The following LOC400499 variants were observed in gnomAD, a reference collection of about 807,000 sequenced individuals.
At chr16:11,385,379 G>A in the LOC400499 span, 2 of 1,232,294 alleles carry the variant, frequency 1.6e-6, no homozygotes, top group Middle Eastern at 3.1e-4. Context: ...GGCCGTCGAA[G>A]GTCACCACGT....
chr16:11,463,803 GTGTA>G, the LOC400499 span, among the ~76,000 whole-genome samples: 7 of 152,160 alleles, frequency 4.6e-5, no homozygotes, highest in African/African-American at 7.2e-5. Context: ...GGATGTTTGT[GTGTA>G]TGAATATGTG....
chr16:11,414,342 C>G, the LOC400499 span: 12 of 399,252 alleles, frequency 3.0e-5, 1 homozygote, highest in Admixed American at 3.5e-4. Flanking sequence ...CACTCCTTAC[C>G]TGGTTGGTGA....
chr16:11,482,735 G>A, the LOC400499 span, among the ~76,000 whole-genome samples: 1 of 151,688 alleles, frequency 6.6e-6, no homozygotes, highest in Admixed American at 6.6e-5. Flanking sequence ...AACAAAAAGA[G>A]AAAAAAACTT....
chr16:11,490,355 C>T, the LOC400499 span, among the ~76,000 whole-genome samples: 1 of 142,936 alleles, frequency 7.0e-6, no homozygotes, highest in East Asian at 2.2e-4. Context: ...ACAACTGTGC[C>T]ATTGCACTCC....
chr16:11,478,408 G>A, the LOC400499 span: 39 of 397,668 alleles, frequency 9.8e-5, no homozygotes, highest in South Asian at 9.9e-4. Flanking sequence ...CAACAGCTTC[G>A]AGGAGGTAAA....
the LOC400499 span, chr16:11,441,187 T>C: frequency 2.0e-5 from 8 of 397,632 alleles, no homozygotes; most frequent in Non-Finnish European, 3.1e-5. Flanking sequence ...CAAAGATTGA[T>C]GGGTTATGGA....
At chr16:11,446,574 G>A in the LOC400499 span, 2 of 1,536,076 alleles carry the variant, frequency 1.3e-6, no homozygotes, top group African/African-American at 2.7e-5. Context: ...AAGTAACCAG[G>A]CACCCCTCTG....
the LOC400499 span, among the ~76,000 whole-genome samples, chr16:11,422,730 C>G: frequency 6.6e-6 from 1 of 152,164 alleles, no homozygotes; most frequent in East Asian, 1.9e-4. Flanking sequence ...TGGTGGGAGG[C>G]AGACAGGACA....
At chr16:11,473,906 A>G in the LOC400499 span, among the ~76,000 whole-genome samples, 44 of 152,336 alleles carry the variant, frequency 2.9e-4, no homozygotes, top group Admixed American at 2.2e-3. Flanking sequence ...CCCCGGCTTG[A>G]GTGCAGTGGC....
At chr16:11,511,871 T>A in the LOC400499 span, among the ~76,000 whole-genome samples, 18 of 150,996 alleles carry the variant, frequency 1.2e-4, no homozygotes, top group Non-Finnish European at 2.1e-4. Context: ...TACAAAAAAT[T>A]TAAAAAATAG....
the LOC400499 span, chr16:11,393,445 G>C: frequency 8.1e-7 from 1 of 1,232,348 alleles, no homozygotes. Context: ...AACACAGACA[G>C]CCTCACTTTC....
chr16:11,462,322 C>T, the LOC400499 span: 2 of 1,456,024 alleles, frequency 1.4e-6, no homozygotes, highest in Non-Finnish European at 1.8e-6. Flanking sequence ...GCCTCAGTGT[C>T]ACCTGGGAGG....
At chr16:11,452,302 T>C in the LOC400499 span, among the ~76,000 whole-genome samples, 1 of 151,928 alleles carries the variant, frequency 6.6e-6, no homozygotes, top group East Asian at 1.9e-4. Context: ...ATAGATTATG[T>C]TATTCTGTTG....
the LOC400499 span, chr16:11,393,314 G>A: frequency 6.6e-4 from 768 of 1,159,724 alleles, 5 homozygotes; most frequent in African/African-American, 0.01. Flanking sequence ...AAATCTTAAC[G>A]CCCAGACCCC....
the LOC400499 span, chr16:11,450,893 C>G: frequency 5.7e-5 from 77 of 1,348,822 alleles, no homozygotes; most frequent in Admixed American, 1.3e-4. Flanking sequence ...CTGGAGGTCC[C>G]GAGAGTCTCA....
chr16:11,524,769 C>T, the LOC400499 span, among the ~76,000 whole-genome samples: 91 of 152,082 alleles, frequency 6.0e-4, no homozygotes, highest in African/African-American at 2.1e-3. Context: ...GCCACCCAGC[C>T]CTTCCACTGC....
the LOC400499 span, chr16:11,423,997 C>G: frequency 2.5e-6 from 1 of 398,626 alleles, no homozygotes. Flanking sequence ...AGATCACCGT[C>G]AGCCCGGCCG....
At chr16:11,472,194 CTTT>C in the LOC400499 span, 17 of 144,418 alleles carry the variant, frequency 1.2e-4, no homozygotes, top group East Asian at 3.9e-4. Context: ...TAGACTTTTT[CTTT>C]TTTTTTTTTT....
the LOC400499 span, among the ~76,000 whole-genome samples, chr16:11,384,528 G>A: frequency 6.6e-6 from 1 of 152,150 alleles, no homozygotes; most frequent in Non-Finnish European, 1.5e-5. Context: ...AAGCACAGGG[G>A]CTCAGGGACA....
Sources: allele counts gnomAD v4.1 joint callset (sites outside exome capture counted in the v4.1 genomes callset), GRCh38; gene constraint gnomAD v4.1.1; transcripts MANE v1.5.